MUC4: variants seen among roughly 807,000 people sequenced by gnomAD.
The protein encoded by MUC4 is mucin-4.
Under a neutral mutation model 257.9 loss-of-function variants are expected in MUC4, and 202 were observed. That is an observed-to-expected ratio of 0.78 (90% confidence interval 0.70 to 0.88). MUC4 has a LOEUF of 0.88. Among genes scored for constraint, MUC4 ranks in the 40% least tolerant of loss-of-function variants. The pLI is 0.00. For synonymous variants in MUC4, 2,351 were observed against 2,757.1 expected (o/e 0.85, Z 4.62); for missense variants, 5,976 against 6,513.7 (o/e 0.92, Z 2.84).
chr3:195,779,645 T>A lies in MUC4; in HGVS notation c.11935A>T (p.Thr3979Ser), dbSNP rs1321665220. The A allele has an allele frequency of 2.6e-6, 2 of 763,610 alleles. No individual in the cohort carries two copies. The highest frequency in any genetic ancestry group is 3.6e-6 in the Non-Finnish European group (2 of 556,700). The allele number at this position is 763,610 out of a possible 1,614,324, so 47.3% of individuals were successfully genotyped here. Residue 3979 changes from threonine (T) to serine (S), a missense_variant, in exon 2 of 25, where the codon ACA becomes TCA. Thr to Ser is a moderately conservative substitution (Grantham distance 58). Coordinates refer to ENST00000463781, the MANE Select transcript of MUC4 (RefSeq NM_018406.7). ...ACAGGAAGGGGGGTGGCGTGACCTG[T>A]GGATGCTGAGGAACGGCTGGTGACA... ...LPVTSRSSASTGHATPLPVTD... is the reference protein window; with the variant it reads ...LPVTSRSSASSGHATPLPVTD...
At chr3:195,749,613 T>C (rs1325600203) in intron 23 of MUC4, among the ~76,000 whole-genome samples, 1 of 152,186 alleles carries the variant, frequency 6.6e-6, no homozygotes, top group Non-Finnish European at 1.5e-5. Context: ...GTAATGATTA[T>C]TATAATGTAT....
In MUC4 at chr3:195,789,215, C is replaced by T. The variant is rs752270429; in HGVS notation, c.2365G>A (p.Glu789Lys). The part of the protein sequence containing the change: ...TEASGQTQTS[E>K]PASSGSRTTS... ...GTTCGTGACCCTGAGGAGGCCGGTT[C>T]GCTGGTCTGTGTTTGTCCAGAGGCC... The change falls in exon 2 of 25, where the codon GAA becomes AAA. Residue 789 changes from glutamate (E) to lysine (K), a missense_variant. By Grantham distance (56) the Glu-to-Lys change is moderately conservative. This residue lies in a region of MUC4 where 1,583 missense variants were observed against 1,257.4 expected (regional missense o/e 1.26). Coordinates refer to ENST00000463781, the MANE Select transcript of MUC4 (RefSeq NM_018406.7). 6.8e-6 allele frequency: 11 copies of T among 1,613,798 alleles called. No homozygotes were observed. Among genetic ancestry groups the T allele is most frequent in the South Asian group, 5.5e-5 (5 of 91,074 alleles).
intron 4 of MUC4, among the ~76,000 whole-genome samples, chr3:195,773,927 C>T (rs1013506787): frequency 6.6e-6 from 1 of 152,240 alleles, no homozygotes; most frequent in Non-Finnish European, 1.5e-5. Context: ...GTCCAGTTTC[C>T]CAAGTGTAGC....
chr3:195,803,110 T>G (rs999161749), intron 1 of MUC4, among the ~76,000 whole-genome samples: 3 of 152,198 alleles, frequency 2.0e-5, no homozygotes, highest in African/African-American at 7.2e-5. Flanking sequence ...TTCCTAAAAG[T>G]TGCAGGGGCT....
rs1717545862 is a variant in MUC4 at position 195,755,849 on chromosome 3, A to ATGTGTGTGTGTGTC, written c.15168+1284_15168+1297dup. Among the ~76,000 whole-genome samples, 1 of 151,610 alleles carries ATGTGTGTGTGTGTC rather than the reference A, an allele frequency of 6.6e-6. No individual in the cohort carries two copies. The highest frequency in any genetic ancestry group is 1.5e-5 in the Non-Finnish European group (1 of 67,914). The stretch of plus-strand genomic sequence containing the variant: ...CATTCTCTGCTCATGCTTCAGAAGG[A>ATGTGTGTGTGTGTC]TGTGTGTGTGTGTCTGTGTGTGCGT... On this transcript the variant is annotated intron_variant, in intron 18 of 24. Transcript: ENST00000463781. The surrounding 1 kb of genome is among the most constrained non-coding windows in gnomAD (Gnocchi z 5.0).
chr3:195,747,038 C>T lies in MUC4; in HGVS notation c.*138G>A. ...GATAAGGTATAGTCTTGTCTTGATT[C>T]CCAGTATTCATTCTCCTTGAAGAAT... On this transcript the variant is annotated 3_prime_UTR_variant, in exon 25 of 25. Coordinates refer to ENST00000463781, the MANE Select transcript of MUC4 (RefSeq NM_018406.7). 8.2e-7 allele frequency: 1 copy of T among 1,213,570 alleles called. No individual in the cohort carries two copies. Among genetic ancestry groups the T allele is most frequent in the Non-Finnish European group, 1.2e-6 (1 of 850,070 alleles). 75.2% of individuals were successfully genotyped at this position (1,213,570 alleles called of 1,614,324 possible).
At chr3:195,762,697 G>GCCACGCGCCCGGCCCTGCACCA (rs1560246655) in intron 13 of MUC4, among the ~76,000 whole-genome samples, 158 bp downstream of exon 13, 1 of 30,632 alleles carries the variant, frequency 3.3e-5, no homozygotes, top group African/African-American at 7.9e-5. Flanking sequence ...GCCCTGCACC[G>GCCACGCGCCCGGCCCTGCACCA]CAAAGCACTC....
intron 9 of MUC4, 48 bp from the exon 10 acceptor site, chr3:195,765,170 G>A (rs780386742): frequency 6.3e-7 from 1 of 1,590,326 alleles, no homozygotes. Flanking sequence ...GCTGCCAGGG[G>A]CGGGGTGGGA....
At chr3:195,802,718 C>A (rs1463165390) in intron 1 of MUC4, among the ~76,000 whole-genome samples, 1 of 152,224 alleles carries the variant, frequency 6.6e-6, no homozygotes, top group Non-Finnish European at 1.5e-5. Flanking sequence ...AGGAAAGATA[C>A]TTCCAGCGCG....
At chr3:195,798,990 G>A (rs1048653362) in intron 1 of MUC4, among the ~76,000 whole-genome samples, 1 of 152,040 alleles carries the variant, frequency 6.6e-6, no homozygotes, top group Non-Finnish European at 1.5e-5. Flanking sequence ...AGCTCTGGTG[G>A]CCTCCTTCCT....
rs1727020328 is a variant in MUC4 at position 195,780,415 on chromosome 3, G to C, written c.11165C>G (p.Ser3722Cys). 1 of 1,536,972 alleles carries C rather than the reference G, an allele frequency of 6.5e-7. No individual in the cohort carries two copies. The highest frequency in any genetic ancestry group is 8.7e-7 in the Non-Finnish European group (1 of 1,145,974). ...PLPVTSTSSV[S>C]TGHVTPLHVT... ...ATGAAGAGGGGTGACGTGACCTGTA[G>C]ATACTGAGGAAGTGCTGGTGACAGG... Residue 3722 changes from serine (S) to cysteine (C), a missense_variant, in exon 2 of 25, where the codon TCT becomes TGT. Physicochemically the swap from Ser to Cys is moderately radical, Grantham distance 112. Coordinates refer to ENST00000463781, the MANE Select transcript of MUC4 (RefSeq NM_018406.7).
intron 14 of MUC4, 93 bp from the exon 15 acceptor site, chr3:195,761,678 C>A: frequency 1.0e-6 from 1 of 977,486 alleles, no homozygotes; most frequent in Non-Finnish European, 1.6e-6. Context: ...GAGGCCAGGG[C>A]CTGGCAGCCT....
At position 195,779,439 on chromosome 3, in the gene MUC4, G is replaced by C. The variant is rs1286586492; in HGVS notation, c.12141C>G (p.Thr4047=). 1.4e-5 allele frequency: 12 copies of C among 887,418 alleles called. 1 individual carries two copies. Among genetic ancestry groups the C allele is most frequent in the Middle Eastern group, 8.0e-4 (2 of 2,496 alleles). The allele number at this position is 887,418 out of a possible 1,614,324, so 55.0% of individuals were successfully genotyped here. A position where few individuals can be genotyped will look rare whatever the true frequency, so the allele number is the denominator to read the frequency against. ...AGGAAGCATTGGTGACAGGAAGAGG[G>C]GTGGTGTCACCTGTGGATGCTGAGG... ...STSSASTGDT[T]PLPVTNASSL... Residue 4047 remains threonine (T), a synonymous_variant, in exon 2 of 25, where the codon ACC becomes ACG. Coordinates refer to ENST00000463781, the MANE Select transcript of MUC4 (RefSeq NM_018406.7).
At chr3:195,792,784 C>T (rs576555384) in intron 1 of MUC4, among the ~76,000 whole-genome samples, 2 of 152,128 alleles carry the variant, frequency 1.3e-5, no homozygotes, top group African/African-American at 2.4e-5. Context: ...ATATGCAGCA[C>T]GGAATACTAT....
chr3:195,788,303 C>G lies in MUC4; in HGVS notation c.3277G>C (p.Asp1093His). ...TGDTTPLPVTDTSSASTGHAT... is the reference protein window; with the variant it reads ...TGDTTPLPVTHTSSASTGHAT... ...TGACCTGTGGATGCTGAGGAAGTGT[C>G]AGTGACAGGAAGAGGGGTGGTGTCA... The change falls in exon 2 of 25, where the codon GAC becomes CAC. Residue 1093 changes from aspartate (D) to histidine (H), a missense_variant. By Grantham distance (81) the Asp-to-His change is moderately conservative. This residue lies in a region of MUC4 where 68 missense variants were observed against 90.4 expected (regional missense o/e 0.75). Transcript: ENST00000463781. 2 of 1,491,854 alleles carry G rather than the reference C, an allele frequency of 1.3e-6. No homozygotes were observed. Among genetic ancestry groups the G allele is most frequent in the Non-Finnish European group, 8.9e-7 (1 of 1,121,810 alleles). 92.4% of individuals were successfully genotyped at this position (1,491,854 alleles called of 1,614,324 possible). A position where few individuals can be genotyped will look rare whatever the true frequency, so the allele number is the denominator to read the frequency against.
At position 195,789,156 on chromosome 3, in the gene MUC4, G is replaced by C. The variant is rs527727094; in HGVS notation, c.2424C>G (p.Ser808=). The change falls in exon 2 of 25, where the codon TCC becomes TCG. Residue 808 remains serine (S), a synonymous_variant. Coordinates refer to ENST00000463781, the MANE Select transcript of MUC4 (RefSeq NM_018406.7). ...TSAGTATPSS[S]GASGTTPSGS... is the part of the protein sequence containing the mutation. ...CTGAAGGTGTTGTGCCACTCGCCCC[G>C]GATGAGGAAGGGGTAGCTGTGCCCG... The C allele has an allele frequency of 9.9e-6, 16 of 1,613,786 alleles. No homozygotes were observed. The South Asian group carries it at 1.5e-4, about 16-fold the overall frequency.
intron 3 of MUC4, 88 bp from the exon 4 acceptor site, chr3:195,774,393 C>T (rs1723873695): frequency 3.2e-5 from 45 of 1,427,036 alleles, no homozygotes; most frequent in Middle Eastern, 2.5e-4. Context: ...TCCCTGCAGG[C>T]TGCCCACACC....
At chr3:195,773,330 TA>T (rs1723556969) in intron 4 of MUC4, among the ~76,000 whole-genome samples, 1 of 107,176 alleles carries the variant, frequency 9.3e-6, no homozygotes, top group Non-Finnish European at 2.0e-5. Flanking sequence ...TCAGCAGGTG[TA>T]GGCACCCCCC....
intron 1 of MUC4, among the ~76,000 whole-genome samples, chr3:195,804,602 AC>A (rs1453205553): frequency 3.3e-5 from 5 of 152,112 alleles, no homozygotes; most frequent in African/African-American, 1.2e-4. Flanking sequence ...ACAGTGTTTC[AC>A]TTTCCTGGAG....
Sources: allele counts gnomAD v4.1 joint callset (sites outside exome capture counted in the v4.1 genomes callset), GRCh38; gene constraint gnomAD v4.1.1; regional missense constraint gnomAD v4.1.1; non-coding constraint Gnocchi (gnomAD v3.1); transcripts MANE v1.5; gene names NCBI Gene and HGNC (gene_info 2026-07-23, HGNC 2026-07-21).